THYN1: variants seen among roughly 807,000 people sequenced by gnomAD.
The protein encoded by THYN1 is thymocyte protein thy28.
A neutral mutation model predicts 30.6 loss-of-function variants in THYN1; 32 were observed. The observed-to-expected ratio is 1.05, with a 90% CI of 0.79 to 1.40. The LOEUF is 1.40. Among genes scored for constraint, THYN1 ranks in the 40% most tolerant of loss-of-function variants. The pLI, the probability that THYN1 is intolerant of heterozygous loss-of-function variation, is 0.00. For synonymous variants in THYN1, 107 were observed against 90.8 expected (o/e 1.18, Z -1.01); for missense variants, 259 against 272.6 (o/e 0.95, Z 0.35).
chr11:134,251,369 A>C (rs1939041826), intron 1 of THYN1, 61 bp from the exon 2 acceptor site: 2 of 1,542,828 alleles, frequency 1.3e-6, no homozygotes, highest in Non-Finnish European at 1.7e-6. Context: ...TTCATAATGG[A>C]AAAAGCTTAG....
intron 3 of THYN1, 21 bp from the exon 4 acceptor site, chr11:134,249,941 G>A (rs1240777351): frequency 1.2e-6 from 2 of 1,605,076 alleles, no homozygotes; most frequent in Non-Finnish European, 1.7e-6. Flanking sequence ...AGAAGAAAGA[G>A]TAACTATCCT....
chr11:134,251,575 C>T (rs1939054427), intron 1 of THYN1: 1 of 361,186 alleles, frequency 2.8e-6, no homozygotes, highest in Admixed American at 4.5e-5. Context: ...GGACAGTAGT[C>T]AATACATGTT....
In THYN1 at chr11:134,253,293, A is replaced by G. The variant is rs1453530213; in HGVS notation, c.-411T>C. On this transcript the variant is annotated 5_prime_UTR_variant, in exon 1 of 7. Transcript: ENST00000341541. ...TAGATGATGAAGTAATTTGCTGGCT[A>G]CAGACCCAACACTCTGCAGACTCGA... The G allele has an allele frequency of 1.5e-6, 2 of 1,369,944 alleles. No homozygotes were observed. The highest frequency in any genetic ancestry group is 1.6e-5 in the South Asian group (1 of 62,324). 84.9% of individuals were successfully genotyped at this position (1,369,944 alleles called of 1,614,324 possible).
chr11:134,248,690 C>T (rs1938900790), intron 6 of THYN1, 119 bp downstream of exon 6: 2 of 1,453,378 alleles, frequency 1.4e-6, no homozygotes, highest in Non-Finnish European at 1.9e-6. Context: ...ATGGGTGTTA[C>T]AGGTGAGGAT....
Position 134,253,187 on chromosome 11 carries a change from G to C in THYN1, c.-305C>G. ...GTTCACTGGGAAGTGGCTCCACAGA[G>C]ACACTTTTGTTGGGTGAATATAAGT... On this transcript the variant is annotated 5_prime_UTR_variant, in exon 1 of 7. Transcript: ENST00000341541. 7.5e-7 allele frequency: 1 copy of C among 1,331,408 alleles called. No individual in the cohort carries two copies. Among genetic ancestry groups the C allele is most frequent in the Non-Finnish European group, 9.6e-7 (1 of 1,044,014 alleles). 82.5% of individuals were successfully genotyped at this position (1,331,408 alleles called of 1,614,324 possible).
In THYN1 at chr11:134,253,243, A is replaced by C; in HGVS notation, c.-361T>G. 2.3e-6 allele frequency: 3 copies of C among 1,322,746 alleles called. No individual in the cohort carries two copies. The highest frequency in any genetic ancestry group is 2.9e-6 in the Non-Finnish European group (3 of 1,036,988). 81.9% of individuals were successfully genotyped at this position (1,322,746 alleles called of 1,614,324 possible). On this transcript the variant is annotated 5_prime_UTR_variant, in exon 1 of 7. Coordinates refer to ENST00000341541, the MANE Select transcript of THYN1 (RefSeq NM_014174.3). Reference sequence around the variant, plus strand: ...TTGTGTTACCTTGTTATCCTTGCTAATTAGGATCAACTGAATGGATAATCT... The same window carrying C: ...TTGTGTTACCTTGTTATCCTTGCTACTTAGGATCAACTGAATGGATAATCT...
Position 134,249,907 on chromosome 11 carries a change from A to T in THYN1, c.305T>A (p.Leu102His). 1 of 1,614,000 alleles carries T rather than the reference A, an allele frequency of 6.2e-7. No homozygotes were observed. Among genetic ancestry groups the T allele is most frequent in the Non-Finnish European group, 8.5e-7 (1 of 1,179,948 alleles). Residue 102 changes from leucine to histidine, a missense_variant, in exon 4 of 7, where the codon CTT (leucine) becomes CAT (histidine). Leu to His is a moderately conservative substitution (Grantham distance 99). Transcript: ENST00000341541. Reference sequence around the variant, plus strand: ...TTCTTCTCCCAGCTTCATGGCTCTAAGGAAGTTCCGAGCCTGTCCCGGGAG... The same window carrying T: ...TTCTTCTCCCAGCTTCATGGCTCTATGGAAGTTCCGAGCCTGTCCCGGGAG... ...GVRNYQARNFLRAMKLGEEAF... is the reference protein window; with the variant it reads ...GVRNYQARNFHRAMKLGEEAF...
At position 134,251,227 on chromosome 11, in the gene THYN1, T is replaced by G. The variant is rs1318270066; in HGVS notation, c.125A>C (p.Lys42Thr). 6.2e-7 allele frequency: 1 copy of G among 1,614,250 alleles called. No individual in the cohort carries two copies. Among genetic ancestry groups the G allele is most frequent in the Non-Finnish European group, 8.5e-7 (1 of 1,180,046 alleles). ...LAKVEDSNPQ[K>T]TSATKNCLKN... ...CAAACAGTTTTTAGTGGCTGAAGTC[T>G]TCTGAGGGTTGGAGTCCTCCACTTT... The change falls in exon 2 of 7, where the codon AAG becomes ACG. Residue 42 changes from lysine to threonine, a missense_variant. Lys to Thr is a moderately conservative substitution (Grantham distance 78, BLOSUM62 -1). Transcript: ENST00000341541.
At chr11:134,250,754 T>C (rs2136061611) in intron 2 of THYN1, among the ~76,000 whole-genome samples, 1 of 152,298 alleles carries the variant, frequency 6.6e-6, no homozygotes, top group East Asian at 1.9e-4. Flanking sequence ...GTTGGCAGAC[T>C]ATAGCCTTCA....
intron 4 of THYN1, 142 bp from the exon 5 acceptor site, chr11:134,249,404 T>C (rs1938940602): frequency 2.7e-6 from 2 of 743,062 alleles, no homozygotes; most frequent in South Asian, 3.3e-5. Flanking sequence ...GGCTCAGATA[T>C]TTGGAAACAA....
At position 134,253,056 on chromosome 11, in the gene THYN1, T is replaced by G; in HGVS notation, c.-174A>C. ...CGCCTACGTTTGAGCCCTCAAATCCTTCCCTCCGTTATCTGCGCCATTTCC... is the reference window on the plus strand; with the variant it reads ...CGCCTACGTTTGAGCCCTCAAATCCGTCCCTCCGTTATCTGCGCCATTTCC... On this transcript the variant is annotated 5_prime_UTR_variant, in exon 1 of 7. Coordinates refer to ENST00000341541, the MANE Select transcript of THYN1 (RefSeq NM_014174.3). The G allele has an allele frequency of 7.2e-7, 1 of 1,390,876 alleles. No homozygotes were observed. Among genetic ancestry groups the G allele is most frequent in the Non-Finnish European group, 9.3e-7 (1 of 1,078,078 alleles). 86.2% of individuals were successfully genotyped at this position (1,390,876 alleles called of 1,614,324 possible).
chr11:134,253,266 T>G lies in THYN1; in HGVS notation c.-384A>C. ...TAATTAGGATCAACTGAATGGATAA[T>G]CTAGATGATGAAGTAATTTGCTGGC... On this transcript the variant is annotated 5_prime_UTR_variant, in exon 1 of 7. Coordinates refer to ENST00000341541, the MANE Select transcript of THYN1 (RefSeq NM_014174.3). 7.4e-7 allele frequency: 1 copy of G among 1,344,092 alleles called. No individual in the cohort carries two copies. The highest frequency in any genetic ancestry group is 9.5e-7 in the Non-Finnish European group (1 of 1,048,180). The allele number at this position is 1,344,092 out of a possible 1,614,324, so 83.3% of individuals were successfully genotyped here. A position where few individuals can be genotyped will look rare whatever the true frequency, so the allele number is the denominator to read the frequency against.
At chr11:134,251,857 G>A (rs1400498792) in intron 1 of THYN1, 1 of 152,298 alleles carries the variant, frequency 6.6e-6, no homozygotes, top group African/African-American at 2.4e-5. Flanking sequence ...TAGAAAAATG[G>A]TGATGATTCG....
At chr11:134,248,731 A>G in intron 6 of THYN1, 78 bp downstream of exon 6, 1 of 1,582,584 alleles carries the variant, frequency 6.3e-7, no homozygotes, top group South Asian at 1.2e-5. Flanking sequence ...TACCATGCCC[A>G]AGTTTAATCA....
rs147345168 is a variant in THYN1 at position 134,248,499 on chromosome 11, G to A, written c.632-15C>T. On this transcript the variant is annotated splice_polypyrimidine_tract_variant and intron_variant, in intron 6 of 6. Coordinates refer to ENST00000341541, the MANE Select transcript of THYN1 (RefSeq NM_014174.3). ...ATCAAACTCTTCTACAAAAAAAAAA[G>A]GGAAAAAGGAAGGATTAGTTTTTAA... 5.3e-5 allele frequency: 85 copies of A among 1,596,260 alleles called. No homozygotes were observed. The African/African-American group carries it at 9.1e-4, about 17-fold the overall frequency.
intron 2 of THYN1, 50 bp downstream of exon 2, chr11:134,251,080 C>T: frequency 3.9e-6 from 6 of 1,535,404 alleles, no homozygotes; most frequent in Non-Finnish European, 5.3e-6. Flanking sequence ...ATATTCACTT[C>T]TCATTTAAAA....
rs1431175609 is a variant in THYN1, at chr11:134,248,778, ATG to A, written c.631+29_631+30del. On this transcript the variant is annotated intron_variant, in intron 6 of 6. Transcript: ENST00000341541. The stretch of plus-strand genomic sequence containing the variant: ...GGAATTCATGAGGTCATTCTGGTAT[ATG>A]GACAATAAAGGAGAGGGCCCACTCT... 6 of 1,612,686 alleles carry A rather than the reference ATG, an allele frequency of 3.7e-6. No individual in the cohort carries two copies. The South Asian group carries it at 6.6e-5, about 18-fold the overall frequency.
At chr11:134,250,477 A>G in intron 2 of THYN1, 134 bp from the exon 3 acceptor site, 1 of 920,966 alleles carries the variant, frequency 1.1e-6, no homozygotes, top group East Asian at 2.7e-5. Context: ...TTCACCGGGA[A>G]GTGGCTCCAC....
At position 134,252,899 on chromosome 11, in the gene THYN1, A is replaced by G. The variant is rs368846337; in HGVS notation, c.-17T>C. The G allele has an allele frequency of 8.9e-6, 14 of 1,575,858 alleles. No homozygotes were observed. The African/African-American group carries it at 1.7e-4, about 19-fold the overall frequency. On this transcript the variant is annotated 5_prime_UTR_variant, in exon 1 of 7. Transcript: ENST00000341541. ...TCTCGACATGGTCACGCTGCAGGGG[A>G]CTTTAGTGCGGACGATTCTGGAATC...
Sources: allele counts gnomAD v4.1 joint callset (sites outside exome capture counted in the v4.1 genomes callset), GRCh38; gene constraint gnomAD v4.1.1; transcripts MANE v1.5; gene names NCBI Gene and HGNC (gene_info 2026-07-23, HGNC 2026-07-21).